SKAP1: variants seen among roughly 807,000 people sequenced by gnomAD.
SKAP1 encodes the protein src kinase associated phosphoprotein 1.
In SKAP1, 44 loss-of-function variants were observed where a neutral mutation model predicts 58.5. That is an observed-to-expected ratio of 0.75 (90% CI 0.59 to 0.97). SKAP1 has a LOEUF of 0.97. SKAP1 is among the 50% of genes least tolerant of loss of function. The pLI, the probability that SKAP1 is intolerant of heterozygous loss-of-function variation, is 0.00. For missense variants in SKAP1, 390 were observed against 435.2 expected, an observed-to-expected ratio of 0.90 and a Z score of 0.92; for synonymous variants, 127 against 149.7, an observed-to-expected ratio of 0.85 and a Z score of 1.11.
chr17:48,195,051 A>G (rs2064605893), intron 4 of SKAP1, among the ~76,000 whole-genome samples: 1 of 152,188 alleles, frequency 6.6e-6, no homozygotes, highest in Non-Finnish European at 1.5e-5. Flanking sequence ...AAATGCCTCA[A>G]ATGTACCAAG....
intron 2 of SKAP1, among the ~76,000 whole-genome samples, chr17:48,364,878 T>C (rs1397806520): frequency 6.6e-6 from 1 of 152,232 alleles, no homozygotes; most frequent in East Asian, 1.9e-4. Context: ...CCTTGAAGTC[T>C]TTTATTTATC....
chr17:48,392,035 T>G (rs532815176), intron 2 of SKAP1, among the ~76,000 whole-genome samples: 1 of 152,282 alleles, frequency 6.6e-6, no homozygotes, highest in East Asian at 1.9e-4. Flanking sequence ...GTAATTATAT[T>G]TACAGTATAC....
At chr17:48,230,984 G>T (rs1374453243) in intron 4 of SKAP1, among the ~76,000 whole-genome samples, 1 of 152,212 alleles carries the variant, frequency 6.6e-6, no homozygotes, top group African/African-American at 2.4e-5. Context: ...TTAGGAGGTA[G>T]ATGTGATACA....
chr17:48,179,694 C>T (rs2064341525), intron 9 of SKAP1, among the ~76,000 whole-genome samples: 1 of 152,178 alleles, frequency 6.6e-6, no homozygotes, highest in Admixed American at 6.5e-5. Flanking sequence ...CCATTATTCT[C>T]ACAACTACAC....
intron 10 of SKAP1, among the ~76,000 whole-genome samples, chr17:48,167,923 G>A (rs1323715255): frequency 6.6e-6 from 1 of 152,152 alleles, no homozygotes; most frequent in Admixed American, 6.5e-5. Flanking sequence ...CTTAATGTTA[G>A]ACTACTGGGC....
chr17:48,137,300 TTCA>T lies in SKAP1; in HGVS notation c.1013_1015del (p.Leu338_Asn339delinsHis). 6.2e-7 allele frequency: 1 copy of T among 1,613,858 alleles called. No homozygotes were observed. The highest frequency in any genetic ancestry group is 8.5e-7 in the Non-Finnish European group (1 of 1,179,794). On this transcript the variant is annotated inframe_deletion, in exon 12 of 13. Coordinates refer to ENST00000336915, the MANE Select transcript of SKAP1 (RefSeq NM_003726.4). ...CTTTGGAACAATCCCAACGAGGCTG[TTCA>T]GTTCTCCCACCCACCAGCCATACAT...
rs1206720011 is a variant in SKAP1 at position 48,419,287 on chromosome 17, CT to C, written c.46+10787del. 5.2e-3 allele frequency among the ~76,000 whole-genome samples: 745 copies of C among 142,404 alleles called. 10 individuals are homozygous for C. Among genetic ancestry groups the C allele is most frequent in the East Asian group, 0.043 (215 of 4,964 alleles). 93.4% of individuals were successfully genotyped at this position (142,404 alleles called of 152,430 possible). On this transcript the variant is annotated intron_variant, in intron 1 of 12. Coordinates refer to ENST00000336915, the MANE Select transcript of SKAP1 (RefSeq NM_003726.4). The stretch of plus-strand genomic sequence containing the variant: ...TTATGAGAAAGAAAAGAATTTGGGG[CT>C]TTTTTTTTTTTCCAAAACAGTGTCT...
At chr17:48,290,608 T>C (rs534236485) in intron 4 of SKAP1, among the ~76,000 whole-genome samples, 1 of 152,186 alleles carries the variant, frequency 6.6e-6, no homozygotes, top group South Asian at 2.1e-4. Context: ...ATTTTATTTC[T>C]CACATAGTTT....
chr17:48,384,245 G>A (rs901536242), intron 2 of SKAP1, among the ~76,000 whole-genome samples: 2 of 152,152 alleles, frequency 1.3e-5, no homozygotes, highest in African/African-American at 4.8e-5. Flanking sequence ...GGTTTGGGGA[G>A]TGAAGGGGGA....
intron 4 of SKAP1, among the ~76,000 whole-genome samples, chr17:48,223,830 C>T (rs781504086): frequency 2.6e-5 from 4 of 151,956 alleles, no homozygotes; most frequent in South Asian, 2.1e-4. Flanking sequence ...CAGATGTGCA[C>T]GGCACTGTAT....
chr17:48,302,183 C>T (rs2066067119), intron 4 of SKAP1, among the ~76,000 whole-genome samples: 1 of 152,118 alleles, frequency 6.6e-6, no homozygotes. Flanking sequence ...TATTTGATAG[C>T]CTATATTTCT....
At chr17:48,384,616 G>A (rs1164892311) in intron 2 of SKAP1, among the ~76,000 whole-genome samples, 1 of 152,168 alleles carries the variant, frequency 6.6e-6, no homozygotes, top group African/African-American at 2.4e-5. Context: ...ACTATCCTGT[G>A]AGAATCTATC....
At chr17:48,390,566 G>C (rs1014902292) in intron 2 of SKAP1, among the ~76,000 whole-genome samples, 6 of 152,160 alleles carry the variant, frequency 3.9e-5, no homozygotes, top group African/African-American at 1.4e-4. Flanking sequence ...ATTCTATCAG[G>C]AGTAAAGCAA....
intron 3 of SKAP1, among the ~76,000 whole-genome samples, chr17:48,353,759 G>T (rs140948072): frequency 0.022 from 3,354 of 152,014 alleles, 116 homozygotes; most frequent in African/African-American, 0.075. Flanking sequence ...AGCTGGGCGT[G>T]GTGGCAGGTG....
chr17:48,388,895 T>C (rs750373016), intron 2 of SKAP1, among the ~76,000 whole-genome samples: 2 of 152,192 alleles, frequency 1.3e-5, no homozygotes, highest in Admixed American at 1.3e-4. Flanking sequence ...TACCAAATTG[T>C]TTGGGCCTTG....
chr17:48,231,857 A>G (rs1384384286), intron 4 of SKAP1: 1 of 152,206 alleles, frequency 6.6e-6, no homozygotes, highest in African/African-American at 2.4e-5. Flanking sequence ...TATCTTCTAT[A>G]ATTCCTATTT....
chr17:48,196,456 G>C (rs767675970), intron 4 of SKAP1, among the ~76,000 whole-genome samples: 2 of 152,036 alleles, frequency 1.3e-5, no homozygotes. Flanking sequence ...TTGTTACAAA[G>C]GTATATTGTG....
At chr17:48,145,294 T>C (rs952626139) in intron 11 of SKAP1, among the ~76,000 whole-genome samples, 1 of 152,100 alleles carries the variant, frequency 6.6e-6, no homozygotes, top group Non-Finnish European at 1.5e-5. Flanking sequence ...AAACTATTGG[T>C]CTGGATGAAT....
intron 3 of SKAP1, among the ~76,000 whole-genome samples, chr17:48,356,265 AAAAT>A (rs543936107): frequency 1.3e-5 from 2 of 152,090 alleles, no homozygotes; most frequent in South Asian, 2.1e-4. Flanking sequence ...CTCAAAAACT[AAAAT>A]AAATAAATAA....
Sources: allele counts gnomAD v4.1 joint callset (sites outside exome capture counted in the v4.1 genomes callset), GRCh38; gene constraint gnomAD v4.1.1; transcripts MANE v1.5; gene names NCBI Gene and HGNC (gene_info 2026-07-23, HGNC 2026-07-21).